GAREM1: variants seen among roughly 807,000 people sequenced by gnomAD.
GAREM1 encodes the protein GRB2-associated and regulator of MAPK protein 1.
Under a neutral mutation model 71.3 loss-of-function variants are expected in GAREM1, and 26 were observed. That is an observed-to-expected ratio of 0.36 (90% CI 0.27 to 0.51). The LOEUF is 0.51. Among genes scored for constraint, GAREM1 ranks in the 20% least tolerant of loss-of-function variants. The pLI, the probability that GAREM1 is intolerant of heterozygous loss-of-function variation, is 0.95. For missense variants in GAREM1, 1,026 were observed against 1,103.1 expected, an observed-to-expected ratio of 0.93 and a Z score of 0.99; for synonymous variants, 440 against 433.2, an observed-to-expected ratio of 1.02 and a Z score of -0.20.
chr18:32,470,253 C>A lies in GAREM1; in HGVS notation c.121+55G>T, dbSNP rs1443323607. ...CCCTCTCCAGCACACGCGCGCACAC[C>A]CGCGTGGAGACGGCTGTCCTCGCCC... On this transcript the variant is annotated intron_variant, in intron 1 of 5. Transcript: ENST00000269209. The surrounding 1 kb of genome is among the most constrained non-coding windows in gnomAD (Gnocchi z 4.4). The A allele has an allele frequency of 2.1e-6, 3 of 1,413,348 alleles. No homozygotes were observed. Among genetic ancestry groups the A allele is most frequent in the African/African-American group, 1.5e-5 (1 of 67,856 alleles). The allele number at this position is 1,413,348 out of a possible 1,614,324, so 87.6% of individuals were successfully genotyped here. A position where few individuals can be genotyped will look rare whatever the true frequency, so the allele number is the denominator to read the frequency against.
chr18:32,379,213 A>G (rs1304879953), intron 2 of GAREM1, among the ~76,000 whole-genome samples: 6 of 152,046 alleles, frequency 3.9e-5, no homozygotes, highest in Admixed American at 6.5e-5. Context: ...AGTACTTACT[A>G]TTATGTGTCT....
intron 1 of GAREM1, among the ~76,000 whole-genome samples, chr18:32,404,902 T>C (rs1281544016): frequency 6.6e-6 from 1 of 152,194 alleles, no homozygotes; most frequent in Non-Finnish European, 1.5e-5. Context: ...ATATTGTTTT[T>C]ATCTGTCACG....
chr18:32,362,988 C>T (rs774931915), intron 2 of GAREM1, among the ~76,000 whole-genome samples: 5 of 152,010 alleles, frequency 3.3e-5, no homozygotes, highest in Non-Finnish European at 7.4e-5. Flanking sequence ...CCTTTATATC[C>T]GAATTCATTC....
In GAREM1 at chr18:32,457,226, A is replaced by AGAGTGT. The variant is rs1555648709; in HGVS notation, c.121+13081_121+13082insACACTC. ...GGGGGGGAGAGAGAGAGAGAGAGAG[A>AGAGTGT]GTGTGTGTGTGTGTGTGTGTGTGTG... is the stretch of plus-strand genomic sequence containing the variant. On this transcript the variant is annotated intron_variant, in intron 1 of 5. Coordinates refer to ENST00000269209, the MANE Select transcript of GAREM1 (RefSeq NM_001242409.2). Among the ~76,000 whole-genome samples the AGAGTGT allele has an allele frequency of 2.2e-3, 178 of 81,970 alleles. 1 individual carries two copies. The highest frequency in any genetic ancestry group is 7.1e-3 in the African/African-American group (171 of 23,984). 53.8% of individuals were successfully genotyped at this position (81,970 alleles called of 152,430 possible).
At chr18:32,323,314 G>A (rs1328689302) in intron 2 of GAREM1, among the ~76,000 whole-genome samples, 2 of 152,214 alleles carry the variant, frequency 1.3e-5, no homozygotes, top group Non-Finnish European at 2.9e-5. Context: ...CAAGAAATGT[G>A]TGGGAAGTCT....
intron 2 of GAREM1, among the ~76,000 whole-genome samples, chr18:32,377,826 A>G (rs1964517): frequency 0.21 from 31,474 of 152,008 alleles, 3,975 homozygotes; most frequent in African/African-American, 0.35. Context: ...GCCTCCCAAA[A>G]TGCTGGGATT....
At chr18:32,329,380 A>G (rs542533438) in intron 2 of GAREM1, among the ~76,000 whole-genome samples, 5 of 143,046 alleles carry the variant, frequency 3.5e-5, no homozygotes, top group South Asian at 2.2e-4. Context: ...TGTCTTGGAG[A>G]AAAAAAAAAA....
chr18:32,303,496 G>A (rs1309180320), intron 3 of GAREM1, among the ~76,000 whole-genome samples: 3 of 152,142 alleles, frequency 2.0e-5, no homozygotes, highest in East Asian at 1.9e-4. Context: ...AAAATAATTC[G>A]TAGTTATTAG....
intron 1 of GAREM1, among the ~76,000 whole-genome samples, chr18:32,453,896 G>A (rs1042650348): frequency 2.0e-5 from 3 of 152,008 alleles, no homozygotes; most frequent in African/African-American, 7.2e-5. Flanking sequence ...AACACAGTTT[G>A]GAAACTGTGT....
Position 32,288,046 on chromosome 18 carries a change from A to G in GAREM1, c.551T>C (p.Leu184Pro). 1 of 1,613,996 alleles carries G rather than the reference A, an allele frequency of 6.2e-7. No homozygotes were observed. Among genetic ancestry groups the G allele is most frequent in the Non-Finnish European group, 8.5e-7 (1 of 1,180,006 alleles). ...LNTIFKKIGK[L>P]NSISKLGKGK... ...TTTTCCCAGCTTGCTGATGGAATTG[A>G]GCTTCCCAATCTTTTTGAAGATTGT... The change falls in exon 4 of 6, where the codon CTC (leucine) becomes CCC (proline). Residue 184 changes from leucine (L) to proline (P), a missense_variant. Leu to Pro is a moderately conservative substitution (Grantham distance 98, BLOSUM62 -3). Around this residue, in one of 3 missense-constraint regions of GAREM1, gnomAD observed 218 missense variants for 296.8 expected, o/e 0.73. Coordinates refer to ENST00000269209, the MANE Select transcript of GAREM1 (RefSeq NM_001242409.2).
chr18:32,269,939 C>T (rs922470477), intron 5 of GAREM1, among the ~76,000 whole-genome samples: 5 of 151,954 alleles, frequency 3.3e-5, no homozygotes, highest in Non-Finnish European at 7.4e-5. Context: ...CTGATGGCAG[C>T]CCCCGGGTTG....
At chr18:32,283,231 G>A (rs150071561) in intron 4 of GAREM1, among the ~76,000 whole-genome samples, 95 of 152,250 alleles carry the variant, frequency 6.2e-4, no homozygotes, top group African/African-American at 2.2e-3. Context: ...AGAGGTTAGT[G>A]TCAGTGTTTT....
At chr18:32,275,686 CT>C (rs139236248) in intron 4 of GAREM1, among the ~76,000 whole-genome samples, 3 of 151,602 alleles carry the variant, frequency 2.0e-5, no homozygotes, top group East Asian at 1.9e-4. Context: ...AAGTCTATCT[CT>C]TTTTTTTTGA....
chr18:32,452,880 T>C (rs1452300337), intron 1 of GAREM1, among the ~76,000 whole-genome samples: 1 of 151,590 alleles, frequency 6.6e-6, no homozygotes, highest in Non-Finnish European at 1.5e-5. Flanking sequence ...AAACTTGGCA[T>C]GTTATTAACT....
At chr18:32,329,922 G>A (rs143274055) in intron 2 of GAREM1, among the ~76,000 whole-genome samples, 11 of 152,074 alleles carry the variant, frequency 7.2e-5, no homozygotes, top group African/African-American at 2.7e-4. Context: ...AGAGTGTCGG[G>A]GGAATGCATG....
chr18:32,283,549 AAAAAC>A (rs2046976636), intron 4 of GAREM1, among the ~76,000 whole-genome samples: 1 of 148,950 alleles, frequency 6.7e-6, no homozygotes, highest in African/African-American at 2.6e-5. Flanking sequence ...CTGTCTCAAA[AAAAAC>A]AAAACAAAAA....
intron 1 of GAREM1, among the ~76,000 whole-genome samples, chr18:32,413,990 A>G (rs1212631374): frequency 6.6e-6 from 1 of 152,266 alleles, no homozygotes; most frequent in East Asian, 1.9e-4. Context: ...GTCATCTGAG[A>G]CATGGAATAT....
rs547723317 is a variant in GAREM1, at chr18:32,336,197, G to A, written c.263-25874C>T. 3.9e-4 allele frequency among the ~76,000 whole-genome samples: 60 copies of A among 152,210 alleles called. 1 individual carries two copies. The highest frequency in any genetic ancestry group is 1.2e-3 in the African/African-American group (49 of 41,552). The stretch of plus-strand genomic sequence containing the variant: ...TGTAATCCTAGCACTTTGGGAGGCC[G>A]AGACGGGCGGATCATGAGGTCAGGA... On this transcript the variant is annotated intron_variant, in intron 2 of 5. Coordinates refer to ENST00000269209, the MANE Select transcript of GAREM1 (RefSeq NM_001242409.2).
chr18:32,347,540 A>G (rs2047708459), intron 2 of GAREM1, among the ~76,000 whole-genome samples: 1 of 152,184 alleles, frequency 6.6e-6, no homozygotes. Context: ...AATCTTAAAT[A>G]GCACTAAATT....
Sources: allele counts gnomAD v4.1 joint callset (sites outside exome capture counted in the v4.1 genomes callset), GRCh38; gene constraint gnomAD v4.1.1; regional missense constraint gnomAD v4.1.1; non-coding constraint Gnocchi (gnomAD v3.1); transcripts MANE v1.5; gene names NCBI Gene and HGNC (gene_info 2026-07-23, HGNC 2026-07-21).